VAV3: variants seen among roughly 807,000 people sequenced by gnomAD.
VAV3 encodes guanine nucleotide exchange factor VAV3.
VAV3 carries 94 observed loss-of-function variants against 131.2 expected under a neutral mutation model. The observed-to-expected ratio is 0.72, with a 90% confidence interval of 0.61 to 0.85. The LOEUF (loss-of-function observed/expected upper bound fraction) is 0.85. VAV3 is among the 40% of genes least tolerant of loss of function. The pLI is 0.00. For synonymous variants in VAV3, 349 were observed against 342.0 expected (o/e 1.02, Z -0.22); for missense variants, 939 against 1,002.7 (o/e 0.94, Z 0.86).
At chr1:107,772,172 C>CT (rs1447607250) in intron 5 of VAV3, among the ~76,000 whole-genome samples, 1 of 152,176 alleles carries the variant, frequency 6.6e-6, no homozygotes, top group Admixed American at 6.5e-5. Flanking sequence ...GTAATCCTTT[C>CT]TGAATGTTCT....
intron 2 of VAV3, among the ~76,000 whole-genome samples, chr1:107,801,652 T>C (rs1470267143): frequency 6.6e-6 from 1 of 152,142 alleles, no homozygotes; most frequent in African/African-American, 2.4e-5. Context: ...CTGTAACCAA[T>C]CCAGCTGTTC....
chr1:107,730,506 A>G (rs1662169728), intron 15 of VAV3, among the ~76,000 whole-genome samples: 1 of 152,182 alleles, frequency 6.6e-6, no homozygotes, highest in South Asian at 2.1e-4. Context: ...TTAATCATAT[A>G]AGGCTCAAAA....
At chr1:107,912,578 C>T (rs1672422454) in intron 1 of VAV3, among the ~76,000 whole-genome samples, 1 of 152,188 alleles carries the variant, frequency 6.6e-6, no homozygotes, top group African/African-American at 2.4e-5. Context: ...CCCAACCTAT[C>T]ATTCTGGCTT....
At chr1:107,659,155 G>C (rs928109218) in intron 19 of VAV3, among the ~76,000 whole-genome samples, 1 of 151,918 alleles carries the variant, frequency 6.6e-6, no homozygotes, top group Non-Finnish European at 1.5e-5. Context: ...TCCAGTTTCA[G>C]CTTTCTACAT....
At chr1:107,744,870 C>T (rs1052501394) in intron 15 of VAV3, among the ~76,000 whole-genome samples, 3 of 152,150 alleles carry the variant, frequency 2.0e-5, no homozygotes, top group African/African-American at 4.8e-5. Flanking sequence ...AACTGAGATC[C>T]TCAACTGTAC....
chr1:107,852,737 T>G (rs935623311), intron 2 of VAV3, among the ~76,000 whole-genome samples: 1 of 152,170 alleles, frequency 6.6e-6, no homozygotes, highest in Admixed American at 6.6e-5. Context: ...CTCTGAATAT[T>G]TATTTTTATT....
intron 15 of VAV3, among the ~76,000 whole-genome samples, chr1:107,705,307 C>G (rs1027129412): frequency 1.3e-5 from 2 of 149,730 alleles, no homozygotes; most frequent in Admixed American, 1.3e-4. Context: ...CAGAATTGAG[C>G]ATTCTCAGAG....
intron 2 of VAV3, among the ~76,000 whole-genome samples, chr1:107,832,876 A>C (rs1226881428): frequency 6.6e-6 from 1 of 152,214 alleles, no homozygotes; most frequent in Non-Finnish European, 1.5e-5. Flanking sequence ...AATTGAATGC[A>C]TTCATGCTAG....
At chr1:107,955,126 C>A (rs1322259843) in intron 1 of VAV3, among the ~76,000 whole-genome samples, 3 of 152,118 alleles carry the variant, frequency 2.0e-5, no homozygotes, top group African/African-American at 7.2e-5. Flanking sequence ...AGCTAGCCCT[C>A]ACAAGAACCC....
intron 20 of VAV3, among the ~76,000 whole-genome samples, chr1:107,640,120 A>G (rs1256329428): frequency 1.3e-5 from 2 of 152,136 alleles, no homozygotes; most frequent in East Asian, 3.8e-4. Flanking sequence ...TGGCATTAGT[A>G]TCTAAGAAAA....
At chr1:107,758,997 T>G (rs1664269375) in intron 10 of VAV3, among the ~76,000 whole-genome samples, 1 of 152,220 alleles carries the variant, frequency 6.6e-6, no homozygotes, top group Admixed American at 6.5e-5. Context: ...TGGGGAGTCT[T>G]CTATGACAGA....
At chr1:107,958,284 A>T (rs1674913519) in intron 1 of VAV3, among the ~76,000 whole-genome samples, 1 of 152,240 alleles carries the variant, frequency 6.6e-6, no homozygotes, top group Admixed American at 6.5e-5. Flanking sequence ...AAAATCTGTA[A>T]GTCACACCAC....
At chr1:107,813,495 A>G (rs1402732111) in intron 2 of VAV3, among the ~76,000 whole-genome samples, 1 of 152,200 alleles carries the variant, frequency 6.6e-6, no homozygotes, top group Admixed American at 6.5e-5. Context: ...GATACATAGT[A>G]TTTTTACATT....
chr1:107,739,550 G>A (rs1010239496), intron 15 of VAV3, among the ~76,000 whole-genome samples: 20 of 152,250 alleles, frequency 1.3e-4, no homozygotes, highest in African/African-American at 4.6e-4. Flanking sequence ...TGATGGTGCC[G>A]GCATGGATTC....
Position 107,766,438 on chromosome 1 carries a change from A to G in VAV3, c.821+9T>C. 6.3e-7 allele frequency: 1 copy of G among 1,593,518 alleles called. No homozygotes were observed. The highest frequency in any genetic ancestry group is 8.6e-7 in the Non-Finnish European group (1 of 1,164,168). On this transcript the variant is annotated intron_variant, in intron 8 of 26. Coordinates refer to ENST00000370056, the MANE Select transcript of VAV3 (RefSeq NM_006113.5). Reference sequence around the variant, plus strand: ...CTAAGACCCACAAAACTTAAACTTCAAAAGTTACCTTTCCTTGTAGTTAAT... The same window carrying G: ...CTAAGACCCACAAAACTTAAACTTCGAAAGTTACCTTTCCTTGTAGTTAAT...
intron 2 of VAV3, among the ~76,000 whole-genome samples, chr1:107,799,175 T>C (rs1341468257): frequency 6.6e-6 from 1 of 152,212 alleles, no homozygotes; most frequent in Non-Finnish European, 1.5e-5. Context: ...TGGATTTCAC[T>C]TTTTAGTTAC....
At chr1:107,720,153 T>C (rs961743981) in intron 15 of VAV3, among the ~76,000 whole-genome samples, 19 of 152,022 alleles carry the variant, frequency 1.2e-4, no homozygotes, top group Admixed American at 2.6e-4. Context: ...AGCACATGTA[T>C]ACATATGTAA....
intron 20 of VAV3, among the ~76,000 whole-genome samples, chr1:107,619,179 A>G (rs557479025): frequency 6.6e-6 from 1 of 152,240 alleles, no homozygotes; most frequent in Non-Finnish European, 1.5e-5. Flanking sequence ...GAATCCATCC[A>G]TACAACACAG....
At position 107,765,128 on chromosome 1, in the gene VAV3, G is replaced by A. The variant is rs1392418711; in HGVS notation, c.869C>T (p.Ser290Phe). The A allele has an allele frequency of 6.2e-7, 1 of 1,613,452 alleles. No homozygotes were observed. Among genetic ancestry groups the A allele is most frequent in the African/African-American group, 1.3e-5 (1 of 74,982 alleles). The change falls in exon 9 of 27, where the codon TCT becomes TTT. Residue 290 changes from serine to phenylalanine, a missense_variant. By Grantham distance (155) the Ser-to-Phe change is radical (BLOSUM62 -2). Transcript: ENST00000370056. Reference protein sequence around the residue: ...QYCSGVESAISSLDYISKTKE... With the variant: ...QYCSGVESAIFSLDYISKTKE... The stretch of plus-strand genomic sequence containing the variant: ...TGTCTTAGAAATGTAGTCTAAACTA[G>A]AGATGGCTGACTCCACTCCACTGCA...
Sources: allele counts gnomAD v4.1 joint callset (sites outside exome capture counted in the v4.1 genomes callset), GRCh38; gene constraint gnomAD v4.1.1; transcripts MANE v1.5; gene names NCBI Gene and HGNC (gene_info 2026-07-23, HGNC 2026-07-21).